The following AGBL1 variants were observed in gnomAD, a reference collection of about 807,000 sequenced individuals.
The protein encoded by AGBL1 is cytosolic carboxypeptidase 4.
AGBL1 carries 130 observed loss-of-function variants against 118.9 expected under a neutral mutation model. The observed-to-expected ratio is 1.09, with a 90% CI of 0.95 to 1.26. AGBL1 has a LOEUF of 1.26. Ranked by LOEUF, AGBL1 falls within the 50% of genes most tolerant of loss-of-function variation. The pLI is 0.00. For missense variants in AGBL1, 1,584 were observed against 1,298.1 expected, an observed-to-expected ratio of 1.22 and a Z score of -3.38; for synonymous variants, 555 against 478.9, an observed-to-expected ratio of 1.16 and a Z score of -2.08.
chr15:86,874,136 C>T (rs143233016), intron 22 of AGBL1, among the ~76,000 whole-genome samples: 7 of 152,176 alleles, frequency 4.6e-5, no homozygotes, highest in South Asian at 2.1e-4. Flanking sequence ...AATATAACTG[C>T]CTGCATTATT....
intron 23 of AGBL1, among the ~76,000 whole-genome samples, chr15:86,958,842 G>A (rs2080960291): frequency 6.6e-6 from 1 of 152,122 alleles, no homozygotes; most frequent in Non-Finnish European, 1.5e-5. Flanking sequence ...GGGACACTAT[G>A]TGTCTGTTAA....
chr15:86,480,385 A>AT (rs1033954296), intron 18 of AGBL1, among the ~76,000 whole-genome samples: 9 of 152,078 alleles, frequency 5.9e-5, no homozygotes, highest in African/African-American at 1.9e-4. Context: ...CTCAAAGTTC[A>AT]TTTTTTTCTC....
chr15:86,979,554 T>A (rs1034071603), intron 23 of AGBL1, among the ~76,000 whole-genome samples: 5 of 152,020 alleles, frequency 3.3e-5, no homozygotes, highest in African/African-American at 1.2e-4. Flanking sequence ...AGTGGCGCGA[T>A]CTCGGCTCAC....
intron 21 of AGBL1, among the ~76,000 whole-genome samples, chr15:86,590,176 T>G (rs907179685): frequency 2.0e-5 from 3 of 152,134 alleles, no homozygotes; most frequent in African/African-American, 7.2e-5. Context: ...TAGGTTGTAT[T>G]GGTAAAACAC....
At chr15:87,029,508 A>ATG (rs1342060239), downstream of AGBL1, among the ~76,000 whole-genome samples, 2 of 151,916 alleles carry the variant, frequency 1.3e-5, no homozygotes, top group African/African-American at 4.8e-5. Context: ...AACAACAACG[A>ATG]CAGCAACATT....
intron 22 of AGBL1, among the ~76,000 whole-genome samples, chr15:86,870,454 CAAAAAA>C (rs770556494): frequency 1.6e-5 from 1 of 64,118 alleles, no homozygotes; most frequent in African/African-American, 7.6e-5. Flanking sequence ...AAGCATACTG[CAAAAAA>C]AAAAAAAAAA....
intron 23 of AGBL1, among the ~76,000 whole-genome samples, chr15:86,963,908 A>T (rs138744468): frequency 1.2e-4 from 18 of 152,056 alleles, no homozygotes; most frequent in African/African-American, 3.9e-4. Flanking sequence ...GATCTTGAAG[A>T]AAGAATTATG....
At chr15:86,143,115 C>A (rs573508640) in intron 2 of AGBL1, among the ~76,000 whole-genome samples, 3 of 152,102 alleles carry the variant, frequency 2.0e-5, no homozygotes, top group Admixed American at 2.0e-4. Context: ...GTAGAAAGAC[C>A]AATAGTTCGT....
chr15:86,559,485 T>C (rs1472227906), intron 21 of AGBL1, among the ~76,000 whole-genome samples: 1 of 152,170 alleles, frequency 6.6e-6, no homozygotes. Flanking sequence ...TTGGAACATC[T>C]TGGAAGACAA....
At chr15:87,029,001 C>A (rs2081761765) in exon 25 of AGBL1, 7 of 635,468 alleles carry the variant, frequency 1.1e-5, no homozygotes, top group Admixed American at 3.0e-5. Flanking sequence ...TATCTACCTC[C>A]ATAAGAAAAC....
chr15:86,464,196 T>C (rs1435001824), intron 18 of AGBL1, among the ~76,000 whole-genome samples: 1 of 152,164 alleles, frequency 6.6e-6, no homozygotes, highest in Non-Finnish European at 1.5e-5. Flanking sequence ...ATTCTCTTTG[T>C]AGAAATTGGG....
At chr15:86,815,773 C>T (rs921578331) in intron 22 of AGBL1, among the ~76,000 whole-genome samples, 2 of 152,154 alleles carry the variant, frequency 1.3e-5, no homozygotes, top group Non-Finnish European at 2.9e-5. Flanking sequence ...CCGTCCTCTC[C>T]TCTTCTACCT....
chr15:86,550,767 A>G (rs1567053044), intron 20 of AGBL1, among the ~76,000 whole-genome samples: 1 of 151,762 alleles, frequency 6.6e-6, no homozygotes, highest in Admixed American at 6.6e-5. Flanking sequence ...TCTTTTCAAA[A>G]CAAAAGAATG....
chr15:86,825,499 A>G (rs1299763073), intron 22 of AGBL1, among the ~76,000 whole-genome samples: 1 of 151,250 alleles, frequency 6.6e-6, no homozygotes, highest in Admixed American at 6.6e-5. Context: ...CTCAACAGTA[A>G]AAGTTCAAAC....
intron 21 of AGBL1, among the ~76,000 whole-genome samples, chr15:86,623,359 G>T (rs539293840): frequency 6.6e-6 from 1 of 152,308 alleles, no homozygotes; most frequent in East Asian, 1.9e-4. Flanking sequence ...CACAGGGTTT[G>T]AGGGCAACAG....
chr15:87,026,381 C>G (rs529299270), intron 24 of AGBL1, among the ~76,000 whole-genome samples: 3 of 151,742 alleles, frequency 2.0e-5, no homozygotes, highest in Admixed American at 6.6e-5. Context: ...AAATGGCCAA[C>G]AAATATGAAA....
chr15:86,316,202 AG>A (rs2080005453), intron 17 of AGBL1, among the ~76,000 whole-genome samples: 1 of 152,210 alleles, frequency 6.6e-6, no homozygotes, highest in African/African-American at 2.4e-5. Flanking sequence ...AGGAAGTTAC[AG>A]GGGAGAAGTG....
At chr15:86,416,572 TAA>T (rs150130987) in intron 18 of AGBL1, among the ~76,000 whole-genome samples, 5 of 148,994 alleles carry the variant, frequency 3.4e-5, no homozygotes, top group African/African-American at 1.2e-4. Context: ...CACTTTTTTA[TAA>T]AAAAAAAATG....
At chr15:87,012,227 ACG>A (rs1491448497) in intron 24 of AGBL1, among the ~76,000 whole-genome samples, 39 of 149,626 alleles carry the variant, frequency 2.6e-4, no homozygotes, top group African/African-American at 9.6e-4. Context: ...ACACACACAC[ACG>A]CTTGCATATC....
Sources: gnomAD v4.1 joint callset for allele counts (sites outside exome capture counted in the v4.1 genomes callset) on GRCh38, gnomAD v4.1.1 for gene constraint, MANE v1.5 for transcripts, NCBI Gene and HGNC (gene_info 2026-07-23, HGNC 2026-07-21) for gene names.